Variants in SERPINB12 observed in about 807,000 individuals in gnomAD.
SERPINB12 encodes the protein serpin family B member 12, also known as serpin B12.
In SERPINB12, 57 loss-of-function variants were observed where a neutral mutation model predicts 41.1. The observed-to-expected ratio is 1.39, with a 90% CI of 1.12 to 1.73. SERPINB12 has a LOEUF of 1.73. Ranked by LOEUF, SERPINB12 falls within the 40% of genes most tolerant of loss-of-function variation. SERPINB12 has a pLI of 0.00. For missense variants in SERPINB12, 536 were observed against 501.9 expected (o/e 1.07, Z -0.65); for synonymous variants, 180 against 181.3 (o/e 0.99, Z 0.06).
chr18:63,554,377 A>G lies in SERPINB12; in HGVS notation c.-18-1765A>G, dbSNP rs139222557. 1.5e-3 allele frequency among the ~76,000 whole-genome samples: 236 copies of G among 152,356 alleles called. 1 individual carries two copies. The highest frequency in any genetic ancestry group is 5.2e-3 in the African/African-American group (216 of 41,582). ...TGGCACATGTTAGACACATTTTTTA[A>G]AAAGTTACATAATGTTATCTTTTTG... On this transcript the variant is annotated intron_variant, in intron 1 of 7. Coordinates refer to ENST00000382768, the MANE Select transcript of SERPINB12 (RefSeq NM_001307928.2).
chr18:63,530,845 T>C, the SERPINB12 span, among the ~76,000 whole-genome samples: 2 of 152,262 alleles, frequency 1.3e-5, no homozygotes, highest in East Asian at 3.9e-4. Context: ...GAGAACGAAT[T>C]GGGAAAACCT....
chr18:63,554,797 A>T (rs1265406828), intron 1 of SERPINB12, among the ~76,000 whole-genome samples: 1 of 152,158 alleles, frequency 6.6e-6, no homozygotes, highest in African/African-American at 2.4e-5. Context: ...CCCTACTCAA[A>T]TCTCATCACA....
At position 63,564,121 on chromosome 18, in the gene SERPINB12, G is replaced by A. The variant is rs777313540; in HGVS notation, c.705+1G>A. On this transcript the variant is annotated splice_donor_variant, in intron 6 of 7. Transcript: ENST00000382768. LOFTEE classifies it high-confidence loss of function. ...GGATGCACCTTTCTGTCTAAATGCG[G>A]TAGTGTATCAGAACTCATGGTTTTC... 4 of 1,611,364 alleles carry A rather than the reference G, an allele frequency of 2.5e-6. No individual in the cohort carries two copies. The highest frequency in any genetic ancestry group is 4.5e-5 in the East Asian group (2 of 44,866).
At chr18:63,559,048 T>TCTTTC (rs1910798737) in intron 3 of SERPINB12, among the ~76,000 whole-genome samples, 1 of 93,686 alleles carries the variant, frequency 1.1e-5, no homozygotes, top group African/African-American at 3.0e-5. Context: ...CTTTCTTTCT[T>TCTTTC]TCTTTCTTTC....
the SERPINB12 span, among the ~76,000 whole-genome samples, chr18:63,532,299 C>T: frequency 6.6e-6 from 1 of 152,182 alleles, no homozygotes; most frequent in East Asian, 1.9e-4. Context: ...AAATACTCCC[C>T]ATAGATATTT....
chr18:63,541,083 A>C (rs1475614191), upstream of SERPINB12, among the ~76,000 whole-genome samples: 1 of 152,100 alleles, frequency 6.6e-6, no homozygotes, highest in East Asian at 1.9e-4. Context: ...AACTACCCCA[A>C]ATTTTCTACC....
At chr18:63,562,911 G>C (rs1488198209) in intron 5 of SERPINB12, among the ~76,000 whole-genome samples, 2 of 152,206 alleles carry the variant, frequency 1.3e-5, no homozygotes, top group African/African-American at 4.8e-5. Context: ...GTTTGAGTAG[G>C]AAAGGGTGTA....
chr18:63,540,861 A>C (rs1216580310), upstream of SERPINB12, among the ~76,000 whole-genome samples: 1 of 152,206 alleles, frequency 6.6e-6, no homozygotes, highest in South Asian at 2.1e-4. Flanking sequence ...AATATGAAGA[A>C]GAAATATCTA....
At chr18:63,552,903 T>G (rs1910569182) in intron 1 of SERPINB12, among the ~76,000 whole-genome samples, 1 of 152,238 alleles carries the variant, frequency 6.6e-6, no homozygotes, top group Non-Finnish European at 1.5e-5. Context: ...TAGACTTGTA[T>G]GTAAAGCCAG....
upstream of SERPINB12, among the ~76,000 whole-genome samples, chr18:63,540,137 T>C (rs764056741): frequency 3.6e-4 from 55 of 152,184 alleles, no homozygotes; most frequent in Non-Finnish European, 7.3e-4. Flanking sequence ...AATGTCTAAA[T>C]AGTCACTTGT....
chr18:63,555,258 G>T (rs1006037631), intron 1 of SERPINB12, among the ~76,000 whole-genome samples: 7 of 152,144 alleles, frequency 4.6e-5, no homozygotes, highest in African/African-American at 1.7e-4. Flanking sequence ...GAGTCAAAAG[G>T]GGGTGAGAAT....
intron 7 of SERPINB12, 68 bp downstream of exon 7, chr18:63,565,680 CTAT>C (rs1911078059): frequency 7.3e-7 from 1 of 1,363,216 alleles, no homozygotes; most frequent in Admixed American, 2.3e-5. Flanking sequence ...ACACTGTCTA[CTAT>C]CTACCATCTC....
In SERPINB12 at chr18:63,566,972, C is replaced by A; in HGVS notation, c.1239C>A (p.Thr413=). The change falls in exon 8 of 8, where the codon ACC becomes ACA. Residue 413 remains threonine (T), a synonymous_variant. Transcript: ENST00000382768. ...PFLFFIRHNK[T]QTILFYGRVC... is the part of the protein sequence containing the mutation. The stretch of plus-strand genomic sequence containing the variant: ...TCTTTTTCATTAGACACAACAAAAC[C>A]CAAACCATTCTCTTTTATGGCAGGG... 1 of 1,609,278 alleles carries A rather than the reference C, an allele frequency of 6.2e-7. No individual in the cohort carries two copies. Among genetic ancestry groups the A allele is most frequent in the Middle Eastern group, 1.7e-4 (1 of 6,012 alleles).
At chr18:63,562,108 G>T (rs1348951646) in intron 5 of SERPINB12, among the ~76,000 whole-genome samples, 1 of 152,112 alleles carries the variant, frequency 6.6e-6, no homozygotes, top group Non-Finnish European at 1.5e-5. Context: ...TGCAGTTTTG[G>T]TCTCTGGTCT....
chr18:63,549,167 A>G (rs995876096), intron 1 of SERPINB12, among the ~76,000 whole-genome samples: 2 of 152,176 alleles, frequency 1.3e-5, no homozygotes, highest in African/African-American at 4.8e-5. Flanking sequence ...TAAAATGTTC[A>G]TATAAACAGG....
chr18:63,561,577 G>T (rs1448559887), intron 5 of SERPINB12, among the ~76,000 whole-genome samples: 6 of 152,112 alleles, frequency 3.9e-5, no homozygotes, highest in African/African-American at 1.4e-4. Flanking sequence ...CTACCAAAAA[G>T]ACATATGCAC....
At chr18:63,553,772 T>C (rs1910592591) in intron 1 of SERPINB12, among the ~76,000 whole-genome samples, 1 of 152,192 alleles carries the variant, frequency 6.6e-6, no homozygotes, top group Admixed American at 6.5e-5. Context: ...TCAGACCATC[T>C]TTAATTTGTT....
intron 1 of SERPINB12, among the ~76,000 whole-genome samples, chr18:63,544,032 C>A (rs565696808): frequency 6.6e-6 from 1 of 152,242 alleles, no homozygotes; most frequent in African/African-American, 2.4e-5. Flanking sequence ...GTTTTAAAAA[C>A]CATGGTATTT....
chr18:63,545,580 T>G (rs1047030696), intron 1 of SERPINB12, among the ~76,000 whole-genome samples: 12 of 152,170 alleles, frequency 7.9e-5, no homozygotes, highest in African/African-American at 2.9e-4. Context: ...GATAAACAGA[T>G]GCAAATCTAG....
Sources: gnomAD v4.1 joint callset for allele counts (sites outside exome capture counted in the v4.1 genomes callset) on GRCh38, gnomAD v4.1.1 for gene constraint, MANE v1.5 for transcripts, NCBI Gene and HGNC (gene_info 2026-07-23, HGNC 2026-07-21) for gene names.